SYBU: variants seen among roughly 807,000 people sequenced by gnomAD.
SYBU encodes the protein syntabulin, also known as GOLSYN A protein.
Under a neutral mutation model 35.9 loss-of-function variants are expected in SYBU, and 21 were observed. The ratio of observed to expected loss-of-function variants is 0.58; its 90% CI spans 0.41 to 0.84. SYBU has a LOEUF of 0.84. SYBU is among the 40% of genes least tolerant of loss of function. SYBU has a pLI of 0.00. For missense variants in SYBU, 768 were observed against 848.2 expected (o/e 0.91, Z 1.17); for synonymous variants, 319 against 324.3 (o/e 0.98, Z 0.18).
intron 3 of SYBU, among the ~76,000 whole-genome samples, chr8:109,612,344 T>C (rs1172473866): frequency 2.0e-5 from 3 of 152,174 alleles, no homozygotes; most frequent in Non-Finnish European, 4.4e-5. Flanking sequence ...CTTCCAAATA[T>C]TTTCATAAGG....
At chr8:109,682,288 C>T (rs1817419482), upstream of SYBU, among the ~76,000 whole-genome samples, 1 of 152,090 alleles carries the variant, frequency 6.6e-6, no homozygotes, top group African/African-American at 2.4e-5. Context: ...TTGGAGGGCT[C>T]AGAAGACAGG....
At chr8:109,665,092 T>C (rs1816708861) in intron 1 of SYBU, among the ~76,000 whole-genome samples, 1 of 152,200 alleles carries the variant, frequency 6.6e-6, no homozygotes, top group South Asian at 2.1e-4. Context: ...TATAAGTCTA[T>C]AATATAATAT....
chr8:109,610,473 T>C (rs1180465730), intron 3 of SYBU, among the ~76,000 whole-genome samples: 1 of 152,248 alleles, frequency 6.6e-6, no homozygotes, highest in Admixed American at 6.5e-5. Context: ...CTTCAGAGCG[T>C]CACCTTCTTG....
chr8:109,688,649 T>C (rs1817573628), intron 1 of SYBU, among the ~76,000 whole-genome samples: 1 of 152,082 alleles, frequency 6.6e-6, no homozygotes, highest in African/African-American at 2.4e-5. Flanking sequence ...TCTTTTTTTT[T>C]CTATCCTATC....
intron 2 of SYBU, among the ~76,000 whole-genome samples, chr8:109,628,251 T>C (rs899096363): frequency 3.3e-5 from 5 of 152,140 alleles, no homozygotes; most frequent in Non-Finnish European, 7.3e-5. Flanking sequence ...ACAGCTCATG[T>C]AATCCCAGCA....
intron 3 of SYBU, among the ~76,000 whole-genome samples, chr8:109,615,309 G>A (rs1811613056): frequency 6.6e-6 from 1 of 152,142 alleles, no homozygotes; most frequent in African/African-American, 2.4e-5. Context: ...GAGAGGAGAT[G>A]GTCGCTTGGG....
At chr8:109,655,310 A>C (rs1293757592) in intron 1 of SYBU, among the ~76,000 whole-genome samples, 4 of 152,238 alleles carry the variant, frequency 2.6e-5, no homozygotes, top group Non-Finnish European at 4.4e-5. Flanking sequence ...AATAGGATAA[A>C]ATGATTTTCG....
At position 109,622,422 on chromosome 8, in the gene SYBU, G is replaced by A. The variant is rs141988035; in HGVS notation, c.230-3383C>T. 5.9e-3 allele frequency among the ~76,000 whole-genome samples: 894 copies of A among 152,052 alleles called. 4 individuals carry two copies. Among genetic ancestry groups the A allele is most frequent in the African/African-American group, 0.018 (759 of 41,466 alleles). On this transcript the variant is annotated intron_variant, in intron 2 of 6. Coordinates refer to ENST00000276646, the MANE Select transcript of SYBU (RefSeq NM_001099754.2). ...TAATTTTTGTATTTTTAGTAGAGAT[G>A]GGGTTTCTCCATGTTGGCCAGGCTC...
chr8:109,620,682 T>A (rs902749815), intron 2 of SYBU, among the ~76,000 whole-genome samples: 1 of 152,154 alleles, frequency 6.6e-6, no homozygotes, highest in African/African-American at 2.4e-5. Flanking sequence ...GTCTTCGGGC[T>A]CTTTTAAATA....
chr8:109,575,636 G>T lies in SYBU; in HGVS notation c.1262C>A (p.Thr421Lys). The change falls in exon 7 of 7, where the codon ACG becomes AAG. Residue 421 changes from threonine to lysine, a missense_variant. Coordinates refer to ENST00000276646, the MANE Select transcript of SYBU (RefSeq NM_001099754.2). ...TAGCTCCCTGTCAGCCCCTTCCCCC[G>T]TGACCTGCTCTTCCAGAGATAACCC... ...ADGLSLEEQV[T>K]GEGADRELLV... 6.2e-7 allele frequency: 1 copy of T among 1,614,002 alleles called. No homozygotes were observed. The highest frequency in any genetic ancestry group is 8.5e-7 in the Non-Finnish European group (1 of 1,180,000).
Position 109,579,827 on chromosome 8 carries a change from T to C in SYBU, c.706A>G (p.Lys236Glu). The C allele has an allele frequency of 6.2e-7, 1 of 1,613,990 alleles. No homozygotes were observed. The highest frequency in any genetic ancestry group is 8.5e-7 in the Non-Finnish European group (1 of 1,179,950). Residue 236 changes from lysine (K) to glutamate (E), a missense_variant, in exon 5 of 7, where the codon AAA becomes GAA. Physicochemically the swap from Lys to Glu is moderately conservative, Grantham distance 56 (BLOSUM62 1). Transcript: ENST00000276646. ...ATGATGGGGCTACAGTCGCTTCCTTTGTAGGAGCCTGAGTTGCTACTGCTT... is the reference window on the plus strand; with the variant it reads ...ATGATGGGGCTACAGTCGCTTCCTTCGTAGGAGCCTGAGTTGCTACTGCTT... ...SPSSSNSGSY[K>E]GSDCSPIMRR...
intron 3 of SYBU, among the ~76,000 whole-genome samples, chr8:109,588,692 A>G (rs1247469415): frequency 6.6e-6 from 1 of 152,218 alleles, no homozygotes; most frequent in Non-Finnish European, 1.5e-5. Context: ...GAAAAGCTGG[A>G]GACCTAATCA....
intron 1 of SYBU, among the ~76,000 whole-genome samples, chr8:109,690,893 C>G: frequency 6.6e-6 from 1 of 152,142 alleles, no homozygotes; most frequent in East Asian, 1.9e-4. Context: ...GACTGTCTCC[C>G]TCTTTGGAGA....
intron 3 of SYBU, among the ~76,000 whole-genome samples, chr8:109,602,066 C>T (rs1825594461): frequency 6.6e-6 from 1 of 152,028 alleles, no homozygotes; most frequent in Non-Finnish European, 1.5e-5. Context: ...AAAAGGAATG[C>T]TGAAAAAGGA....
At chr8:109,648,290 C>A (rs571682346), upstream of SYBU, among the ~76,000 whole-genome samples, 755 of 129,836 alleles carry the variant, frequency 5.8e-3, 5 homozygotes, top group African/African-American at 0.025. Context: ...ATATATATAT[C>A]TCCTGGCAAA....
chr8:109,668,158 G>T lies in SYBU; in HGVS notation c.-129+12553C>A, dbSNP rs1013249290. ...GGGGAAGGAAGAAGAGGCAGAGGGGGAGAGGGGGAGAGAGAGAGAGAGAGA... is the reference window on the plus strand; with the variant it reads ...GGGGAAGGAAGAAGAGGCAGAGGGGTAGAGGGGGAGAGAGAGAGAGAGAGA... On this transcript the variant is annotated intron_variant, in intron 1 of 5. Transcript: ENST00000408889. Among the ~76,000 whole-genome samples the T allele has an allele frequency of 3.4e-4, 30 of 89,004 alleles. 1 individual carries two copies. Among genetic ancestry groups the T allele is most frequent in the African/African-American group, 1.5e-3 (29 of 19,052 alleles). 58.4% of individuals were successfully genotyped at this position (89,004 alleles called of 152,430 possible). A position where few individuals can be genotyped will look rare whatever the true frequency, so the allele number is the denominator to read the frequency against.
chr8:109,672,146 C>T (rs935228409), intron 1 of SYBU, among the ~76,000 whole-genome samples: 3 of 152,138 alleles, frequency 2.0e-5, no homozygotes, highest in Non-Finnish European at 4.4e-5. Flanking sequence ...GGTGATCCAC[C>T]TGGTTTGGCC....
intron 1 of SYBU, among the ~76,000 whole-genome samples, chr8:109,669,249 G>C (rs958146833): frequency 6.6e-6 from 1 of 150,406 alleles, no homozygotes; most frequent in Non-Finnish European, 1.5e-5. Context: ...GGCTGAGGCA[G>C]GAGAATGGCG....
At chr8:109,623,398 A>C (rs1312136209) in intron 2 of SYBU, among the ~76,000 whole-genome samples, 1 of 152,236 alleles carries the variant, frequency 6.6e-6, no homozygotes, top group African/African-American at 2.4e-5. Flanking sequence ...GTGAACACAC[A>C]GGATTAAGGG....
Sources: allele counts gnomAD v4.1 joint callset (sites outside exome capture counted in the v4.1 genomes callset), GRCh38; gene constraint gnomAD v4.1.1; transcripts MANE v1.5; gene names NCBI Gene and HGNC (gene_info 2026-07-23, HGNC 2026-07-21).